The following CSF2RB variants were observed in gnomAD, a reference collection of about 807,000 sequenced individuals.
CSF2RB encodes colony stimulating factor 2 receptor subunit beta.
CSF2RB carries 22 observed loss-of-function variants against 67.2 expected under a neutral mutation model. That is an observed-to-expected ratio of 0.33 (90% CI 0.23 to 0.47). CSF2RB has a LOEUF of 0.47. Among genes scored for constraint, CSF2RB ranks in the 20% least tolerant of loss-of-function variants. CSF2RB has a pLI of 1.00. For synonymous variants in CSF2RB, 507 were observed against 482.9 expected (o/e 1.05, Z -0.65); for missense variants, 1,113 against 1,174.5 (o/e 0.95, Z 0.76).
chr22:36,933,890 C>T lies in CSF2RB; in HGVS notation c.1211C>T (p.Pro404Leu). 2 of 1,611,616 alleles carry T rather than the reference C, an allele frequency of 1.2e-6. No homozygotes were observed. Among genetic ancestry groups the T allele is most frequent in the South Asian group, 2.2e-5 (2 of 91,052 alleles). Reference protein sequence around the residue: ...AHSMALPALEPSTRYWARVRV... With the variant: ...AHSMALPALELSTRYWARVRV... Reference sequence around the variant, plus strand: ...AGCATGGCCCTGCCAGCCCTGGAGCCCTCCACCAGGTACTGGGCCAGGGTG... The same window carrying T: ...AGCATGGCCCTGCCAGCCCTGGAGCTCTCCACCAGGTACTGGGCCAGGGTG... The change falls in exon 10 of 14, where the codon CCC (proline) becomes CTC (leucine). Residue 404 changes from proline to leucine, a missense_variant. This residue lies in a region of CSF2RB where 559 missense variants were observed against 656.5 expected (regional missense o/e 0.85). Coordinates refer to ENST00000403662, the MANE Select transcript of CSF2RB (RefSeq NM_000395.3).
Position 36,935,429 on chromosome 22 carries a change from T to A in CSF2RB, c.1394T>A (p.Ile465Asn). 1.2e-6 allele frequency: 2 copies of A among 1,614,196 alleles called. No individual in the cohort carries two copies. Among genetic ancestry groups the A allele is most frequent in the Non-Finnish European group, 1.7e-6 (2 of 1,180,022 alleles). ...AVLLALRFCGIYGYRLRRKWE... is the reference protein window; with the variant it reads ...AVLLALRFCGNYGYRLRRKWE... ...CTCCTGGCCCTCCGCTTCTGTGGCA[T>A]CTACGGGTACAGGTGAGGGGACTCT... is the stretch of plus-strand genomic sequence containing the variant. The change falls in exon 11 of 14, where the codon ATC becomes AAC. Residue 465 changes from isoleucine to asparagine, a missense_variant. Around this residue, in one of 2 missense-constraint regions of CSF2RB, gnomAD observed 559 missense variants for 656.5 expected, o/e 0.85. Transcript: ENST00000403662.
rs1276481069 is a variant in CSF2RB at position 36,932,816 on chromosome 22, G to C, written c.1064G>C (p.Ser355Thr). The change falls in exon 9 of 14, where the codon AGC becomes ACC. Residue 355 changes from serine (S) to threonine (T), a missense_variant. By Grantham distance (58) the Ser-to-Thr change is moderately conservative (BLOSUM62 1). Coordinates refer to ENST00000403662, the MANE Select transcript of CSF2RB (RefSeq NM_000395.3). ...GTGACCAAGGATGGAGACAGCTACAGCCTGCGCTGGGAAACAATGAAAATG... is the reference window on the plus strand; with the variant it reads ...GTGACCAAGGATGGAGACAGCTACACCCTGCGCTGGGAAACAATGAAAATG... ...LNVTKDGDSY[S>T]LRWETMKMRY... is the part of the protein sequence containing the mutation. 1 of 1,614,116 alleles carries C rather than the reference G, an allele frequency of 6.2e-7. No homozygotes were observed. The highest frequency in any genetic ancestry group is 1.1e-5 in the South Asian group (1 of 91,074).
Position 36,937,629 on chromosome 22 carries a change from C to A in CSF2RB, c.1821C>A (p.Gly607=), listed in dbSNP as rs1455511148. 6.4e-7 allele frequency: 1 copy of A among 1,561,164 alleles called. No individual in the cohort carries two copies. The highest frequency in any genetic ancestry group is 1.9e-5 in the Admixed American group (1 of 51,896). ...PHSRSLPDIL[G]QPEPPQEGGS... ...GCCGCTCCCTACCTGACATCCTGGG[C>A]CAGCCGGAGCCCCCACAGGAGGGTG... is the stretch of plus-strand genomic sequence containing the variant. Residue 607 remains glycine, a synonymous_variant, in exon 14 of 14, where the codon GGC becomes GGA. Transcript: ENST00000403662. The surrounding 1 kb of genome is among the most constrained non-coding windows in gnomAD (Gnocchi z 4.6).
Position 36,923,278 on chromosome 22 carries a change from C to T in CSF2RB, c.111C>T (p.Asn37=), listed in dbSNP as rs138299199. The part of the protein sequence containing the change: ...TIPLQTLRCY[N]DYTSHITCRW... ...CGCTGCAGACCCTGCGCTGCTACAA[C>T]GACTACACCAGCCACATCACCTGCA... Residue 37 remains asparagine, a synonymous_variant, in exon 3 of 14, where the codon AAC becomes AAT. Transcript: ENST00000403662. 121 of 1,614,062 alleles carry T rather than the reference C, an allele frequency of 7.5e-5. No homozygotes were observed. Among genetic ancestry groups the T allele is most frequent in the Non-Finnish European group, 8.6e-5 (102 of 1,180,036 alleles).
At position 36,937,784 on chromosome 22, in the gene CSF2RB, G is replaced by C. The variant is rs188184309; in HGVS notation, c.1976G>C (p.Ser659Thr). The C allele has an allele frequency of 3.7e-5, 58 of 1,585,532 alleles. No homozygotes were observed. The African/African-American group carries it at 6.2e-4, about 17-fold the overall frequency. The change falls in exon 14 of 14, where the codon AGC becomes ACC. Residue 659 changes from serine to threonine, a missense_variant. Ser to Thr is a moderately conservative substitution (Grantham distance 58, BLOSUM62 1). Around this residue, in one of 2 missense-constraint regions of CSF2RB, gnomAD observed 554 missense variants for 517.9 expected, o/e 1.07. Coordinates refer to ENST00000403662, the MANE Select transcript of CSF2RB (RefSeq NM_000395.3). The surrounding 1 kb of genome is among the most constrained non-coding windows in gnomAD (Gnocchi z 4.6). Reference sequence around the variant, plus strand: ...GCCGTGGAAGTGGAGAGAAGGCCGAGCCAGGGGGCTGCAGGGAGTCCCTCC... The same window carrying C: ...GCCGTGGAAGTGGAGAGAAGGCCGACCCAGGGGGCTGCAGGGAGTCCCTCC... ...GQAVEVERRP[S>T]QGAAGSPSLE...
At chr22:36,935,108 C>T (rs1426969937) in intron 10 of CSF2RB, among the ~76,000 whole-genome samples, 1 of 152,136 alleles carries the variant, frequency 6.6e-6, no homozygotes, top group Admixed American at 6.5e-5. Context: ...TGCTATAGAT[C>T]CTGGAAAGGA....
intron 1 of CSF2RB, among the ~76,000 whole-genome samples, chr22:36,915,218 G>A (rs751355820): frequency 3.3e-5 from 5 of 151,976 alleles, no homozygotes; most frequent in Non-Finnish European, 7.4e-5. Flanking sequence ...CTGAGTAGCC[G>A]GGATTACAGG....
At chr22:36,935,476 G>T in intron 11 of CSF2RB, 35 bp downstream of exon 11, 1 of 1,608,978 alleles carries the variant, frequency 6.2e-7, no homozygotes, top group Non-Finnish European at 8.5e-7. Context: ...GGTGGCAGCC[G>T]AGACCCCAGA....
At chr22:36,922,918 G>C (rs554327829) in intron 2 of CSF2RB, among the ~76,000 whole-genome samples, 1 of 152,066 alleles carries the variant, frequency 6.6e-6, no homozygotes, top group African/African-American at 2.4e-5. Context: ...CTGCACAGTC[G>C]GTCCAGGGGC....
At position 36,929,447 on chromosome 22, in the gene CSF2RB, A is replaced by G; in HGVS notation, c.437A>G (p.Asp146Gly). ...PRDLQISTDQDHFLLTWSVAL... is the reference protein window; with the variant it reads ...PRDLQISTDQGHFLLTWSVAL... ...GACCTGCAGATCAGCACCGACCAGGACCACTTCCTGCTGACCTGGAGTGTG... is the reference window on the plus strand; with the variant it reads ...GACCTGCAGATCAGCACCGACCAGGGCCACTTCCTGCTGACCTGGAGTGTG... Residue 146 changes from aspartate to glycine, a missense_variant, in exon 5 of 14, where the codon GAC (aspartate) becomes GGC (glycine). By Grantham distance (94) the Asp-to-Gly change is moderately conservative (BLOSUM62 -1). Coordinates refer to ENST00000403662, the MANE Select transcript of CSF2RB (RefSeq NM_000395.3). 6.2e-7 allele frequency: 1 copy of G among 1,614,130 alleles called. No individual in the cohort carries two copies. Among genetic ancestry groups the G allele is most frequent in the Non-Finnish European group, 8.5e-7 (1 of 1,180,008 alleles).
rs1325908207 is a variant in CSF2RB at position 36,937,670 on chromosome 22, C to T, written c.1862C>T (p.Pro621Leu). The T allele has an allele frequency of 6.4e-7, 1 of 1,554,376 alleles. No homozygotes were observed. Among genetic ancestry groups the T allele is most frequent in the African/African-American group, 1.4e-5 (1 of 73,202 alleles). Reference protein sequence around the residue: ...PPQEGGSQKSPPPGSLEYLCL... With the variant: ...PPQEGGSQKSLPPGSLEYLCL... ...CAGGAGGGTGGGAGCCAGAAGTCCC[C>T]ACCTCCAGGGTCCCTGGAGTACCTG... Residue 621 changes from proline (P) to leucine (L), a missense_variant, in exon 14 of 14, where the codon CCA becomes CTA. By Grantham distance (98) the Pro-to-Leu change is moderately conservative. Coordinates refer to ENST00000403662, the MANE Select transcript of CSF2RB (RefSeq NM_000395.3). This position sits in a 1 kb window ranked among gnomAD's most constrained non-coding sequence, Gnocchi z 4.6.
At chr22:36,929,134 A>G (rs555472200) in intron 4 of CSF2RB, among the ~76,000 whole-genome samples, 18 of 152,324 alleles carry the variant, frequency 1.2e-4, no homozygotes, top group Admixed American at 2.0e-4. Flanking sequence ...GGAGGCTCCA[A>G]TGAGTTTCCT....
chr22:36,931,663 G>A (rs1941149164), intron 8 of CSF2RB, among the ~76,000 whole-genome samples: 2 of 152,224 alleles, frequency 1.3e-5, no homozygotes, highest in African/African-American at 4.8e-5. Context: ...GCTATTAGTA[G>A]GCAGATCAAG....
intron 1 of CSF2RB, among the ~76,000 whole-genome samples, chr22:36,916,194 C>A (rs75541131): frequency 0.022 from 3,338 of 152,124 alleles, 72 homozygotes; most frequent in Middle Eastern, 0.071. Context: ...GTCTTGTAAA[C>A]CTCTTTTTAC....
Position 36,922,247 on chromosome 22 carries a change from G to T in CSF2RB, c.40G>T (p.Ala14Ser). The change falls in exon 2 of 14, where the codon GCC (alanine) becomes TCC (serine). Residue 14 changes from alanine (A) to serine (S), a missense_variant. Coordinates refer to ENST00000403662, the MANE Select transcript of CSF2RB (RefSeq NM_000395.3). The part of the protein sequence containing the change: ...AQGLLSMALL[A>S]LCWERSLAGA... ...GGGGCTGCTCTCCATGGCCCTGCTGGCCCTGTGCTGGGAGCGCAGCCTGGC... is the reference window on the plus strand; with the variant it reads ...GGGGCTGCTCTCCATGGCCCTGCTGTCCCTGTGCTGGGAGCGCAGCCTGGC... The T allele has an allele frequency of 6.3e-7, 1 of 1,588,488 alleles. No homozygotes were observed. Among genetic ancestry groups the T allele is most frequent in the East Asian group, 2.3e-5 (1 of 43,858 alleles).
chr22:36,937,291 A>G lies in CSF2RB; in HGVS notation c.1569-86A>G, dbSNP rs978946398. ...GGGACATCAGGGCTTCCAGAGAACCATCTCCACCCCACCAAGACCCTTGTG... is the reference window on the plus strand; with the variant it reads ...GGGACATCAGGGCTTCCAGAGAACCGTCTCCACCCCACCAAGACCCTTGTG... On this transcript the variant is annotated intron_variant, in intron 13 of 13. Coordinates refer to ENST00000403662, the MANE Select transcript of CSF2RB (RefSeq NM_000395.3). The surrounding 1 kb of genome is among the most constrained non-coding windows in gnomAD (Gnocchi z 4.6). 3 of 1,528,612 alleles carry G rather than the reference A, an allele frequency of 2.0e-6. No individual in the cohort carries two copies. Among genetic ancestry groups the G allele is most frequent in the Non-Finnish European group, 2.7e-6 (3 of 1,117,290 alleles). 94.7% of individuals were successfully genotyped at this position (1,528,612 alleles called of 1,614,324 possible).
In CSF2RB at chr22:36,930,461, G is replaced by A; in HGVS notation, c.805G>A (p.Ala269Thr). ...CTCCTGGGAGGTGAGGAAGGAGGTG[G>A]CCAGCTCGGTCTCCTTTGGCCTATT... ...SCSWEVRKEV[A>T]SSVSFGLFYK... is the part of the protein sequence containing the mutation. The change falls in exon 7 of 14, where the codon GCC (alanine) becomes ACC (threonine). Residue 269 changes from alanine (A) to threonine (T), a missense_variant. Ala to Thr is a moderately conservative substitution (Grantham distance 58, BLOSUM62 0). Transcript: ENST00000403662. 6.2e-7 allele frequency: 1 copy of A among 1,613,682 alleles called. No individual in the cohort carries two copies. The highest frequency in any genetic ancestry group is 8.5e-7 in the Non-Finnish European group (1 of 1,180,032).
chr22:36,934,919 G>C (rs1173564760), intron 10 of CSF2RB, among the ~76,000 whole-genome samples: 1 of 152,158 alleles, frequency 6.6e-6, no homozygotes, highest in Non-Finnish European at 1.5e-5. Flanking sequence ...GCAGCAGGTG[G>C]GATCAGGGGC....
intron 1 of CSF2RB, among the ~76,000 whole-genome samples, chr22:36,917,068 A>T (rs1306333338): frequency 6.6e-6 from 1 of 152,150 alleles, no homozygotes; most frequent in Non-Finnish European, 1.5e-5. Flanking sequence ...GCAGACTTTC[A>T]GTGATGCCAA....
Sources: allele counts gnomAD v4.1 joint callset (sites outside exome capture counted in the v4.1 genomes callset), GRCh38; gene constraint gnomAD v4.1.1; regional missense constraint gnomAD v4.1.1; non-coding constraint Gnocchi (gnomAD v3.1); transcripts MANE v1.5; gene names NCBI Gene and HGNC (gene_info 2026-07-23, HGNC 2026-07-21).